Variants in LAMA1 observed in about 807,000 individuals in gnomAD.
LAMA1 encodes laminin subunit alpha 1.
In LAMA1, 219 loss-of-function variants were observed where a neutral mutation model predicts 348.7. That is an observed-to-expected ratio of 0.63 (90% CI 0.56 to 0.70). The LOEUF (loss-of-function observed/expected upper bound fraction) is 0.70. Ranked by LOEUF, LAMA1 falls within the 30% of genes least tolerant of loss-of-function variation. LAMA1 has a pLI of 0.00. For synonymous variants in LAMA1, 1,487 were observed against 1,491.0 expected (o/e 1.00, Z 0.06); for missense variants, 3,744 against 3,888.0 (o/e 0.96, Z 0.99).
At chr18:7,098,418 G>A (rs368288405) in intron 1 of LAMA1, among the ~76,000 whole-genome samples, 11 of 150,778 alleles carry the variant, frequency 7.3e-5, no homozygotes, top group African/African-American at 9.8e-5. Flanking sequence ...ACCTCTTCCC[G>A]GCCGCCATCA....
At chr18:7,106,647 A>G (rs2058312972) in intron 1 of LAMA1, among the ~76,000 whole-genome samples, 1 of 152,102 alleles carries the variant, frequency 6.6e-6, no homozygotes, top group Non-Finnish European at 1.5e-5. Context: ...GGCGTGAGCC[A>G]CCGCGCCCGG....
At position 6,985,517 on chromosome 18, in the gene LAMA1, T is replaced by C. The variant is rs766010250; in HGVS notation, c.5496+10A>G. 1 of 1,609,984 alleles carries C rather than the reference T, an allele frequency of 6.2e-7. No individual in the cohort carries two copies. Among genetic ancestry groups the C allele is most frequent in the Non-Finnish European group, 8.5e-7 (1 of 1,176,232 alleles). ...AAACTGTACTGTGGCTGTGCTGAGA[T>C]GTAATTTACCTCTAGAGCATCTTGT... is the stretch of plus-strand genomic sequence containing the variant. On this transcript the variant is annotated intron_variant, in intron 38 of 62. Transcript: ENST00000389658.
rs1398576188 is a variant in LAMA1, at chr18:6,995,463, A to G, written c.4807-17T>C. On this transcript the variant is annotated splice_polypyrimidine_tract_variant and intron_variant, in intron 33 of 62. Coordinates refer to ENST00000389658, the MANE Select transcript of LAMA1 (RefSeq NM_005559.4). ...TAAAGATTCCTAGGAAGAATGGAGG[A>G]AACAAATTACAATGCTTCGAAGTAA... 1 of 1,318,394 alleles carries G rather than the reference A, an allele frequency of 7.6e-7. No homozygotes were observed. Among genetic ancestry groups the G allele is most frequent in the East Asian group, 2.3e-5 (1 of 43,508 alleles). 81.7% of individuals were successfully genotyped at this position (1,318,394 alleles called of 1,614,324 possible).
intron 1 of LAMA1, among the ~76,000 whole-genome samples, chr18:7,083,437 C>T (rs2058201670): frequency 1.3e-5 from 2 of 151,890 alleles, no homozygotes; most frequent in Non-Finnish European, 2.9e-5. Context: ...CCACTCGTCT[C>T]GGCCTCCCAA....
At chr18:7,076,105 G>A (rs1219603331) in intron 3 of LAMA1, among the ~76,000 whole-genome samples, 1 of 152,122 alleles carries the variant, frequency 6.6e-6, no homozygotes, top group Non-Finnish European at 1.5e-5. Flanking sequence ...CATCCCTCAT[G>A]GAGTATATAG....
chr18:7,049,346 C>A (rs2058054145), intron 4 of LAMA1, 89 bp from the exon 5 acceptor site: 2 of 1,239,092 alleles, frequency 1.6e-6, no homozygotes, highest in Admixed American at 1.7e-5. Context: ...TTGGTCCAGG[C>A]TGGAGTGCAG....
At position 7,033,709 on chromosome 18, in the gene LAMA1, T is replaced by C. The variant is rs554045212; in HGVS notation, c.2052-614A>G. ...CAAATAGAAAGATTACCCTTAAATGTGTCATGCTATGTTTGTGTTAGATGC... is the reference window on the plus strand; with the variant it reads ...CAAATAGAAAGATTACCCTTAAATGCGTCATGCTATGTTTGTGTTAGATGC... On this transcript the variant is annotated intron_variant, in intron 14 of 62. Transcript: ENST00000389658. 2.6e-5 allele frequency among the ~76,000 whole-genome samples: 4 copies of C among 151,696 alleles called. No homozygotes were observed. In the South Asian group the frequency reaches 8.3e-4, roughly 32 times the overall value.
intron 1 of LAMA1, among the ~76,000 whole-genome samples, chr18:7,107,993 G>A (rs934159767): frequency 4.0e-5 from 6 of 148,788 alleles, no homozygotes; most frequent in Middle Eastern, 3.6e-3. Context: ...CAGCCTGGGC[G>A]ACAGAGCGAG....
chr18:7,083,240 C>G (rs914821309), intron 1 of LAMA1, among the ~76,000 whole-genome samples: 4 of 146,744 alleles, frequency 2.7e-5, no homozygotes, highest in Admixed American at 1.4e-4. Flanking sequence ...GGCTGGAGTG[C>G]AGTGGCACGA....
chr18:7,090,872 G>A lies in LAMA1; in HGVS notation c.62-10415C>T, dbSNP rs368296753. 1.6e-4 allele frequency among the ~76,000 whole-genome samples: 25 copies of A among 152,330 alleles called. No individual in the cohort carries two copies. The East Asian group carries it at 1.7e-3, about 11-fold the overall frequency. ...GAAGAGAAGTTTAATCAGAAAACAAGAGGGGGTGGTAAGCAGAAGGATTTA... is the reference window on the plus strand; with the variant it reads ...GAAGAGAAGTTTAATCAGAAAACAAAAGGGGGTGGTAAGCAGAAGGATTTA... On this transcript the variant is annotated intron_variant, in intron 1 of 62. Transcript: ENST00000389658.
chr18:7,038,653 A>G, intron 11 of LAMA1, 157 bp downstream of exon 11: 3 of 934,528 alleles, frequency 3.2e-6, no homozygotes, highest in East Asian at 2.4e-5. Context: ...GAATCTTGAG[A>G]GGCAGACGGC....
rs2144199337 is a variant in LAMA1, at chr18:7,049,246, T to A, written c.600A>T (p.Ser200=). ...CAGCGCTTGGTCTGCCATTGATGAGTGATGTATGAATCTGAAGATGAAGGC... is the reference window on the plus strand; with the variant it reads ...CAGCGCTTGGTCTGCCATTGATGAGAGATGTATGAATCTGAAGATGAAGGC... ...VPLEHGEIHT[S]LINGRPSADD... is the part of the protein sequence containing the mutation. Residue 200 remains serine (S), a synonymous_variant, in exon 5 of 63, where the codon TCA becomes TCT. Transcript: ENST00000389658. 6.2e-7 allele frequency: 1 copy of A among 1,613,906 alleles called. No individual in the cohort carries two copies.
At chr18:6,995,594 T>G in intron 33 of LAMA1, 148 bp from the exon 34 acceptor site, 1 of 656,326 alleles carries the variant, frequency 1.5e-6, no homozygotes, top group Non-Finnish European at 2.7e-6. Context: ...GGATCACATT[T>G]ACTTAGGTTT....
chr18:7,117,635 AC>A, intron 1 of LAMA1, 24 bp downstream of exon 1: 3 of 1,592,788 alleles, frequency 1.9e-6, no homozygotes, highest in Non-Finnish European at 2.5e-6. Flanking sequence ...GGGGACAGGG[AC>A]CCTAGGACCC....
Position 7,046,288 on chromosome 18 carries a change from T to C in LAMA1, c.848A>G (p.Glu283Gly). 1.2e-6 allele frequency: 2 copies of C among 1,608,360 alleles called. No individual in the cohort carries two copies. The highest frequency in any genetic ancestry group is 3.3e-5 in the Admixed American group (2 of 59,940). Residue 283 changes from glutamate (E) to glycine (G), a missense_variant, in exon 6 of 63, where the codon GAA (glutamate) becomes GGA (glycine). Transcript: ENST00000389658. ...YGHASSCPWD[E>G]TTKKLQCQCE... Reference sequence around the variant, plus strand: ...AATACTAGAACTCACCTTTGTAGTTTCATCCCATGGGCAGCTACTAGCATG... The same window carrying C: ...AATACTAGAACTCACCTTTGTAGTTCCATCCCATGGGCAGCTACTAGCATG...
intron 6 of LAMA1, 99 bp downstream of exon 6, chr18:7,046,179 A>G: frequency 1.3e-6 from 1 of 773,744 alleles, no homozygotes; most frequent in Non-Finnish European, 2.2e-6. Flanking sequence ...ATAATTTTAT[A>G]CCTTTCATGT....
At position 7,024,723 on chromosome 18, in the gene LAMA1, G is replaced by A. The variant is rs565984288; in HGVS notation, c.2403-257C>T. On this transcript the variant is annotated intron_variant, in intron 17 of 62. Transcript: ENST00000389658. The stretch of plus-strand genomic sequence containing the variant: ...ACTCCTCTCATTCTCAGCCCACAGC[G>A]CGCCTGCTTCTCTCGCTGTCTGCCT... Among the ~76,000 whole-genome samples, 171 of 152,174 alleles carry A rather than the reference G, an allele frequency of 1.1e-3. 2 individuals carry two copies. Among genetic ancestry groups the A allele is most frequent in the Non-Finnish European group, 4.1e-4 (28 of 67,996 alleles).
intron 10 of LAMA1, 129 bp downstream of exon 10, chr18:7,039,946 AG>A: frequency 9.8e-7 from 1 of 1,020,934 alleles, no homozygotes. Flanking sequence ...CTTGGAGAGA[AG>A]GGGCAAGGGG....
intron 16 of LAMA1, among the ~76,000 whole-genome samples, chr18:7,026,792 T>TCAA (rs1362371631): frequency 1.3e-5 from 2 of 151,954 alleles, no homozygotes; most frequent in African/African-American, 4.8e-5. Flanking sequence ...GGTCAGGAGA[T>TCAA]CAACACAACC....
Sources: allele counts gnomAD v4.1 joint callset (sites outside exome capture counted in the v4.1 genomes callset), GRCh38; gene constraint gnomAD v4.1.1; transcripts MANE v1.5; gene names NCBI Gene and HGNC (gene_info 2026-07-23, HGNC 2026-07-21).